The following ECD variants were observed in gnomAD, a reference collection of about 807,000 sequenced individuals.
ECD encodes ecdysoneless cell cycle regulator.
Under a neutral mutation model 77.2 loss-of-function variants are expected in ECD, and 59 were observed. The observed-to-expected ratio is 0.76, with a 90% CI of 0.62 to 0.95. The LOEUF (loss-of-function observed/expected upper bound fraction) is 0.95, where lower values mean the gene tolerates loss of function less well. Among genes scored for constraint, ECD ranks in the 40% least tolerant of loss-of-function variants. ECD has a pLI of 0.00. For missense variants in ECD, 704 were observed against 763.4 expected, an observed-to-expected ratio of 0.92 and a Z score of 0.92; for synonymous variants, 233 against 267.4, an observed-to-expected ratio of 0.87 and a Z score of 1.26.
At chr10:73,148,827 TA>T (rs1843162869) in intron 7 of ECD, among the ~76,000 whole-genome samples, 1 of 151,946 alleles carries the variant, frequency 6.6e-6, no homozygotes, top group South Asian at 2.1e-4. Flanking sequence ...GTCCTTTGAT[TA>T]AAAAAAATAA....
upstream of ECD, chr10:73,168,020 TGAGA>T: frequency 2.9e-6 from 1 of 346,750 alleles, no homozygotes; most frequent in Non-Finnish European, 5.2e-6. Context: ...GCGGAAATCC[TGAGA>T]GAAAGTCTGA....
chr10:73,139,433 T>G lies in ECD; in HGVS notation c.1297A>C (p.Lys433Gln), dbSNP rs1245726453. ...TTGGAAACAGACTCGGATTCTTTTT[T>G]GCCAACAGCTTCCTGCAGCAGCTGG... ...LDQLLQEAVG[K>Q]KESESVSKEE... is the part of the protein sequence containing the mutation. Residue 433 changes from lysine (K) to glutamine (Q), a missense_variant, in exon 11 of 14, where the codon AAA becomes CAA. By Grantham distance (53) the Lys-to-Gln change is moderately conservative. Around this residue, in one of 3 missense-constraint regions of ECD, gnomAD observed 559 missense variants for 583.7 expected, o/e 0.96. Coordinates refer to ENST00000372979, the MANE Select transcript of ECD (RefSeq NM_007265.3). The G allele has an allele frequency of 1.9e-6, 3 of 1,614,198 alleles. No individual in the cohort carries two copies. In the Admixed American group the frequency reaches 5.0e-5, roughly 27 times the overall value.
chr10:73,144,142 T>C (rs867153635), intron 9 of ECD, among the ~76,000 whole-genome samples: 2 of 152,210 alleles, frequency 1.3e-5, no homozygotes, highest in South Asian at 2.1e-4. Context: ...TATGTAAATA[T>C]AGTTCATCTC....
Position 73,154,342 on chromosome 10 carries a change from G to C in ECD, c.697C>G (p.Gln233Glu). The C allele has an allele frequency of 1.9e-6, 3 of 1,614,092 alleles. No homozygotes were observed. The highest frequency in any genetic ancestry group is 2.5e-6 in the Non-Finnish European group (3 of 1,180,028). Residue 233 changes from glutamine to glutamate, a missense_variant, in exon 6 of 14, where the codon CAG becomes GAG. By Grantham distance (29) the Gln-to-Glu change is conservative. Around this residue, in one of 3 missense-constraint regions of ECD, gnomAD observed 559 missense variants for 583.7 expected, o/e 0.96. Transcript: ENST00000372979. ...ATAGGGTCTCGTAGGTAAAATGCCT[G>C]GACTGCTGCAGCCACCAATCTGGGG... ...QRPRLVAAAV[Q>E]AFYLRDPIDL...
At position 73,139,630 on chromosome 10, in the gene ECD, C is replaced by G; in HGVS notation, c.1234+1G>C. 1.2e-6 allele frequency: 2 copies of G among 1,605,058 alleles called. No homozygotes were observed. The highest frequency in any genetic ancestry group is 1.7e-6 in the Non-Finnish European group (2 of 1,176,342). ...CCACTGTATCCTGGTCCATCACTTACCATCCTCTGGGGGAAGATTAGCTGC... is the reference window on the plus strand; with the variant it reads ...CCACTGTATCCTGGTCCATCACTTAGCATCCTCTGGGGGAAGATTAGCTGC... On this transcript the variant is annotated splice_donor_variant, in intron 10 of 13. Coordinates refer to ENST00000372979, the MANE Select transcript of ECD (RefSeq NM_007265.3). LOFTEE classifies it high-confidence loss of function.
chr10:73,166,129 C>A (rs566699902), intron 1 of ECD, among the ~76,000 whole-genome samples: 7 of 152,178 alleles, frequency 4.6e-5, no homozygotes, highest in African/African-American at 1.4e-4. Flanking sequence ...ATCTTCAGTT[C>A]CATCCATGTT....
intron 7 of ECD, among the ~76,000 whole-genome samples, chr10:73,149,028 C>T (rs762200967): frequency 6.6e-6 from 1 of 152,160 alleles, no homozygotes; most frequent in Non-Finnish European, 1.5e-5. Context: ...CACTACTCTA[C>T]ACCTTGCTTT....
In ECD at chr10:73,157,308, C is replaced by T. The variant is rs1365651883; in HGVS notation, c.324-653G>A. ...CAAGTGATCCGCTCACCTCAGCCTC[C>T]CAAAGTGCTAGGATTACAGGTGTGA... On this transcript the variant is annotated intron_variant, in intron 3 of 13. Coordinates refer to ENST00000372979, the MANE Select transcript of ECD (RefSeq NM_007265.3). Among the ~76,000 whole-genome samples the T allele has an allele frequency of 3.3e-5, 5 of 151,722 alleles. No homozygotes were observed. In the East Asian group the frequency reaches 9.7e-4, roughly 29 times the overall value.
chr10:73,164,001 C>T, intron 1 of ECD, 51 bp from the exon 2 acceptor site: 2 of 1,498,530 alleles, frequency 1.3e-6, no homozygotes, highest in Non-Finnish European at 1.8e-6. Context: ...GCAGAAGTAA[C>T]ATCTGAACTC....
chr10:73,152,676 C>T (rs12254597), intron 6 of ECD, among the ~76,000 whole-genome samples: 15,913 of 151,928 alleles, frequency 0.1, 1,223 homozygotes, highest in East Asian at 0.3. Context: ...CTTTGGGAGG[C>T]CAAGGTGGGC....
At chr10:73,165,104 A>G (rs563533515) in intron 1 of ECD, among the ~76,000 whole-genome samples, 57 of 152,252 alleles carry the variant, frequency 3.7e-4, no homozygotes, top group African/African-American at 1.3e-3. Context: ...TCTTTAATTT[A>G]GGATAAGTTA....
chr10:73,139,844 G>A, intron 9 of ECD, 107 bp from the exon 10 acceptor site: 2 of 725,468 alleles, frequency 2.8e-6, no homozygotes, highest in South Asian at 4.8e-5. Context: ...TCTAATTTGG[G>A]GAGTGTTTTT....
At chr10:73,144,555 G>A (rs1843099937) in intron 9 of ECD, among the ~76,000 whole-genome samples, 1 of 152,146 alleles carries the variant, frequency 6.6e-6, no homozygotes, top group African/African-American at 2.4e-5. Context: ...CAGAGAGCGG[G>A]GGGAAAAGAG....
At chr10:73,165,829 TCTC>T (rs1402022025) in intron 1 of ECD, among the ~76,000 whole-genome samples, 2 of 152,160 alleles carry the variant, frequency 1.3e-5, no homozygotes, top group Admixed American at 1.3e-4. Context: ...CAGGACATGC[TCTC>T]ATCTGAACTT....
intron 11 of ECD, among the ~76,000 whole-genome samples, 192 bp from the exon 12 acceptor site, chr10:73,138,262 T>G (rs1024791517): frequency 2.6e-5 from 4 of 152,222 alleles, no homozygotes; most frequent in African/African-American, 9.6e-5. Flanking sequence ...AATGGGAAAG[T>G]CTGATAAATG....
At chr10:73,165,860 CAATTA>C (rs1843451407) in intron 1 of ECD, among the ~76,000 whole-genome samples, 1 of 152,050 alleles carries the variant, frequency 6.6e-6, no homozygotes, top group South Asian at 2.1e-4. Flanking sequence ...TTTAAATGTA[CAATTA>C]AATTATTATT....
Position 73,153,422 on chromosome 10 carries a change from T to C in ECD, c.783+834A>G, listed in dbSNP as rs114323621. 3.6e-3 allele frequency among the ~76,000 whole-genome samples: 545 copies of C among 151,654 alleles called. 4 individuals carry two copies. Among genetic ancestry groups the C allele is most frequent in the African/African-American group, 0.012 (515 of 41,400 alleles). Reference sequence around the variant, plus strand: ...ATAATTCTTAATTCTCTGGAAGAGATGAAATGTTTTATTGTTAAGAAGGAA... The same window carrying C: ...ATAATTCTTAATTCTCTGGAAGAGACGAAATGTTTTATTGTTAAGAAGGAA... On this transcript the variant is annotated intron_variant, in intron 6 of 13. Coordinates refer to ENST00000372979, the MANE Select transcript of ECD (RefSeq NM_007265.3).
At chr10:73,154,958 C>G (rs890870899) in intron 5 of ECD, among the ~76,000 whole-genome samples, 1 of 151,848 alleles carries the variant, frequency 6.6e-6, no homozygotes, top group Admixed American at 6.6e-5. Flanking sequence ...AACAAAAATA[C>G]CTATTATACT....
chr10:73,139,283 T>C (rs1843018406), intron 11 of ECD, 26 bp downstream of exon 11: 1 of 1,564,460 alleles, frequency 6.4e-7, no homozygotes, highest in Non-Finnish European at 8.6e-7. Context: ...TAGCTATTTA[T>C]ATATTTATAC....
Sources: gnomAD v4.1 joint callset for allele counts (sites outside exome capture counted in the v4.1 genomes callset) on GRCh38, gnomAD v4.1.1 for gene constraint, gnomAD v4.1.1 regional missense constraint, MANE v1.5 for transcripts, NCBI Gene and HGNC (gene_info 2026-07-23, HGNC 2026-07-21) for gene names.